AP5Z1: variants seen among roughly 807,000 people sequenced by gnomAD.
AP5Z1 encodes adaptor related protein complex 5 subunit zeta 1.
AP5Z1 carries 106 observed loss-of-function variants against 83.0 expected under a neutral mutation model. The ratio of observed to expected loss-of-function variants is 1.28; its 90% CI spans 1.09 to 1.50. The LOEUF is 1.50. Ranked by LOEUF, AP5Z1 falls within the 40% of genes most tolerant of loss-of-function variation. The probability of loss-of-function intolerance (pLI) is 0.00; values close to 1 mark genes in which losing one functional copy is unlikely to be tolerated. For synonymous variants in AP5Z1, 751 were observed against 514.1 expected, an observed-to-expected ratio of 1.46 and a Z score of -6.23; for missense variants, 1,565 against 1,094.2, an observed-to-expected ratio of 1.43 and a Z score of -6.07.
rs1781734705 is a variant in AP5Z1 at position 4,790,669 on chromosome 7, C to T, written c.1939-4C>T. 2.5e-6 allele frequency: 4 copies of T among 1,612,292 alleles called. No individual in the cohort carries two copies. The highest frequency in any genetic ancestry group is 2.2e-5 in the East Asian group (1 of 44,858). ...GGGGGCTGAATCTCTGTCCCCGGGC[C>T]TAGGTGTGGGCCATCGGCGAGTACC... On this transcript the variant is annotated splice_region_variant and splice_polypyrimidine_tract_variant and intron_variant, in intron 15 of 16. Transcript: ENST00000649063.
chr7:4,787,854 C>A (rs973865676), intron 11 of AP5Z1, 78 bp downstream of exon 11: 1 of 1,454,552 alleles, frequency 6.9e-7, no homozygotes, highest in African/African-American at 1.4e-5. Flanking sequence ...CTCGCTGCTC[C>A]TGACCCCTAC....
chr7:4,775,694 C>A lies in AP5Z1; in HGVS notation c.-22C>A. The A allele has an allele frequency of 6.2e-7, 1 of 1,606,632 alleles. No homozygotes were observed. The highest frequency in any genetic ancestry group is 8.5e-7 in the Non-Finnish European group (1 of 1,179,656). ...GCTCCTGGAGTTTCCGAGGTTCGTG[C>A]GCGTCTGGTGGCGGCGGCGTGATGT... On this transcript the variant is annotated 5_prime_UTR_variant, in exon 1 of 17. Transcript: ENST00000649063.
chr7:4,789,441 C>T (rs1562413068), intron 13 of AP5Z1, among the ~76,000 whole-genome samples: 1 of 152,244 alleles, frequency 6.6e-6, no homozygotes, highest in Non-Finnish European at 1.5e-5. Flanking sequence ...TGCCCCCCAT[C>T]TCCCCCATTG....
Position 4,791,469 on chromosome 7 carries a change from G to T in AP5Z1, c.*84G>T. 2 of 1,478,664 alleles carry T rather than the reference G, an allele frequency of 1.4e-6. No individual in the cohort carries two copies. Among genetic ancestry groups the T allele is most frequent in the African/African-American group, 1.4e-5 (1 of 71,502 alleles). 91.6% of individuals were successfully genotyped at this position (1,478,664 alleles called of 1,614,324 possible). A position where few individuals can be genotyped will look rare whatever the true frequency, so the allele number is the denominator to read the frequency against. On this transcript the variant is annotated 3_prime_UTR_variant, in exon 17 of 17. Coordinates refer to ENST00000649063, the MANE Select transcript of AP5Z1 (RefSeq NM_014855.3). ...TGAGGCCAGGCTGATAGGAGCTCAG[G>T]AGGGCGCGGGAGTCCTGGGAGAGGA...
rs370273731 is a variant in AP5Z1, at chr7:4,777,538, C to G, written c.41+1782C>G. On this transcript the variant is annotated intron_variant, in intron 1 of 16. Coordinates refer to ENST00000649063, the MANE Select transcript of AP5Z1 (RefSeq NM_014855.3). ...AAGTAGCTGGGATTACAGGCGCCCG[C>G]CACCACACCCGGCTGATTTTTTGTA... Among the ~76,000 whole-genome samples, 228 of 152,230 alleles carry G rather than the reference C, an allele frequency of 1.5e-3. 1 individual carries two copies. Among genetic ancestry groups the G allele is most frequent in the African/African-American group, 4.9e-3 (202 of 41,542 alleles).
chr7:4,788,430 C>T lies in AP5Z1; in HGVS notation c.1595+136C>T, dbSNP rs1781629735. 10 of 1,165,574 alleles carry T rather than the reference C, an allele frequency of 8.6e-6. No individual in the cohort carries two copies. The Admixed American group carries it at 1.5e-4, about 17-fold the overall frequency. 72.2% of individuals were successfully genotyped at this position (1,165,574 alleles called of 1,614,324 possible). A position where few individuals can be genotyped will look rare whatever the true frequency, so the allele number is the denominator to read the frequency against. On this transcript the variant is annotated intron_variant, in intron 12 of 16. Transcript: ENST00000649063. ...CCACACAAGGCTGCGTCCCCGTCAT[C>T]ACCATTATAGAGGCCCTGCTTCTGC...
chr7:4,784,725 C>A (rs1175270191), intron 6 of AP5Z1, among the ~76,000 whole-genome samples, 183 bp from the exon 7 acceptor site: 3 of 152,206 alleles, frequency 2.0e-5, no homozygotes, highest in African/African-American at 7.2e-5. Context: ...GCCTCAGCCA[C>A]CCTGAAGGGC....
At chr7:4,785,364 G>T in intron 7 of AP5Z1, 51 bp from the exon 8 acceptor site, 2 of 1,590,918 alleles carry the variant, frequency 1.3e-6, no homozygotes, top group Middle Eastern at 1.7e-4. Flanking sequence ...CCCCTCATTG[G>T]GCCACTCTAA....
Position 4,786,340 on chromosome 7 carries a change from T to G in AP5Z1, c.1223T>G (p.Phe408Cys). ...VEQFHSPMLA[F>C]EFIQFCRDNL... The stretch of plus-strand genomic sequence containing the variant: ...CAGTTCCACAGCCCCATGCTGGCCT[T>G]TGAATTCATCCAGTTCTGCAGGGAC... Residue 408 changes from phenylalanine to cysteine, a missense_variant, in exon 10 of 17, where the codon TTT (phenylalanine) becomes TGT (cysteine). Phe to Cys is a radical substitution (Grantham distance 205, BLOSUM62 -2). Transcript: ENST00000649063. The G allele has an allele frequency of 6.2e-7, 1 of 1,613,878 alleles. No homozygotes were observed.
intron 1 of AP5Z1, among the ~76,000 whole-genome samples, chr7:4,779,393 T>TTATATATCATATATAACATGATAACA (rs1781317915): frequency 6.8e-6 from 1 of 147,136 alleles, no homozygotes; most frequent in African/African-American, 2.5e-5. Flanking sequence ...AACATGATTA[T>TTATATATCATATATAACATGATAACA]TATATATCAT....
intron 7 of AP5Z1, 107 bp from the exon 8 acceptor site, chr7:4,785,307 AC>A: frequency 3.5e-6 from 5 of 1,444,464 alleles, no homozygotes; most frequent in Non-Finnish European, 4.6e-6. Flanking sequence ...GGCCTGTCCC[AC>A]CCCCCTGCTC....
chr7:4,789,879 C>T lies in AP5Z1; in HGVS notation c.1755C>T (p.Gly585=), dbSNP rs376290324. ...LINQLALLLL[G]RSDSLYPAPG... The stretch of plus-strand genomic sequence containing the variant: ...ACCAGCTGGCGCTGCTGCTCCTGGG[C>T]AGGAGCGACTCGCTCTACCCGGCCC... The change falls in exon 14 of 17, where the codon GGC becomes GGT. Residue 585 remains glycine (G), a synonymous_variant. Coordinates refer to ENST00000649063, the MANE Select transcript of AP5Z1 (RefSeq NM_014855.3). The T allele has an allele frequency of 1.3e-6, 2 of 1,552,778 alleles. No homozygotes were observed. Among genetic ancestry groups the T allele is most frequent in the African/African-American group, 2.7e-5 (2 of 73,142 alleles).
chr7:4,784,403 G>T, intron 6 of AP5Z1, 32 bp downstream of exon 6: 1 of 1,565,456 alleles, frequency 6.4e-7, no homozygotes, highest in Non-Finnish European at 8.6e-7. Flanking sequence ...CGTCAGACAG[G>T]GGTGGGAGGT....
intron 1 of AP5Z1, among the ~76,000 whole-genome samples, chr7:4,780,236 T>G (rs144367911): frequency 6.6e-6 from 1 of 152,338 alleles, no homozygotes; most frequent in East Asian, 1.9e-4. Context: ...CTAGGGAGAT[T>G]TTAAAATTAA....
At chr7:4,780,518 A>G (rs940769422) in intron 1 of AP5Z1, among the ~76,000 whole-genome samples, 2 of 152,196 alleles carry the variant, frequency 1.3e-5, no homozygotes, top group East Asian at 1.9e-4. Context: ...TAATCCCAGC[A>G]CTTTGGGAGG....
chr7:4,785,098 C>G, intron 7 of AP5Z1, 50 bp downstream of exon 7: 1 of 1,543,514 alleles, frequency 6.5e-7, no homozygotes, highest in Non-Finnish European at 8.8e-7. Flanking sequence ...GACGCACCTG[C>G]TCTGCAAGGC....
At chr7:4,784,028 G>T (rs1234021925) in intron 5 of AP5Z1, among the ~76,000 whole-genome samples, 175 bp from the exon 6 acceptor site, 1 of 152,312 alleles carries the variant, frequency 6.6e-6, no homozygotes, top group East Asian at 1.9e-4. Flanking sequence ...GGTGTGCGAC[G>T]CGCGTCTGCC....
chr7:4,777,873 G>C (rs1781268882), intron 1 of AP5Z1, among the ~76,000 whole-genome samples: 1 of 152,212 alleles, frequency 6.6e-6, no homozygotes, highest in African/African-American at 2.4e-5. Context: ...TCTTAAGCCT[G>C]TGATTTCTGA....
At position 4,791,378 on chromosome 7, in the gene AP5Z1, C is replaced by T. The variant is rs1781767980; in HGVS notation, c.2417C>T (p.Pro806Leu). ...RLVEREAGLM[P>L]G ...GTGGAGAGGGAGGCCGGCCTCATGC[C>T]AGGGTGAAGGGACAGTGGCCAGGGA... is the stretch of plus-strand genomic sequence containing the variant. Residue 806 changes from proline to leucine, a missense_variant, in exon 17 of 17, where the codon CCA (proline) becomes CTA (leucine). Transcript: ENST00000649063. 1.9e-6 allele frequency: 3 copies of T among 1,605,310 alleles called. No homozygotes were observed. The highest frequency in any genetic ancestry group is 1.7e-5 in the Admixed American group (1 of 59,216).
Sources: allele counts gnomAD v4.1 joint callset (sites outside exome capture counted in the v4.1 genomes callset), GRCh38; gene constraint gnomAD v4.1.1; transcripts MANE v1.5; gene names NCBI Gene and HGNC (gene_info 2026-07-23, HGNC 2026-07-21).